RBFOX1: variants seen among roughly 807,000 people sequenced by gnomAD.
RBFOX1 encodes the protein RNA binding fox-1 homolog 1.
In RBFOX1, 8 loss-of-function variants were observed where a neutral mutation model predicts 57.7. That is an observed-to-expected ratio of 0.14 (90% CI 0.08 to 0.25). RBFOX1 has a LOEUF of 0.25. RBFOX1 is among the 10% of genes least tolerant of loss of function. The probability of loss-of-function intolerance (pLI) is 1.00; values close to 1 mark genes in which losing one functional copy is unlikely to be tolerated. For synonymous variants in RBFOX1, 326 were observed against 222.4 expected (o/e 1.47, Z -4.15); for missense variants, 611 against 548.5 (o/e 1.11, Z -1.14).
At chr16:5,675,652 C>T (rs1237634121) in intron 3 of RBFOX1, among the ~76,000 whole-genome samples, 3 of 152,188 alleles carry the variant, frequency 2.0e-5, no homozygotes, top group East Asian at 3.9e-4. Flanking sequence ...TCGTGCAGCC[C>T]GTGTGGCTGC....
chr16:7,084,223 G>C (rs911288101), intron 4 of RBFOX1, among the ~76,000 whole-genome samples: 3 of 151,960 alleles, frequency 2.0e-5, no homozygotes, highest in African/African-American at 4.8e-5. Flanking sequence ...ACACTGTGCT[G>C]GTCAAATGGA....
intron 2 of RBFOX1, among the ~76,000 whole-genome samples, chr16:5,536,389 C>G (rs1271290641): frequency 1.3e-5 from 2 of 151,974 alleles, no homozygotes; most frequent in Admixed American, 1.3e-4. Flanking sequence ...TGCCCGCCAC[C>G]ATGCCCGGCT....
intron 3 of RBFOX1, among the ~76,000 whole-genome samples, chr16:6,820,337 A>C (rs1013864302): frequency 1.3e-5 from 2 of 152,166 alleles, no homozygotes; most frequent in South Asian, 4.1e-4. Flanking sequence ...TAATCTTTTG[A>C]TTCCCTAATG....
intron 3 of RBFOX1, among the ~76,000 whole-genome samples, chr16:5,813,670 T>C (rs906574050): frequency 6.6e-6 from 1 of 152,214 alleles, no homozygotes; most frequent in Admixed American, 6.5e-5. Context: ...AGGTATGTGA[T>C]TTGCAAATAG....
intron 2 of RBFOX1, among the ~76,000 whole-genome samples, chr16:5,468,804 G>T (rs577589611): frequency 9.2e-5 from 14 of 152,324 alleles, no homozygotes; most frequent in African/African-American, 3.1e-4. Flanking sequence ...TCTCTGTGCT[G>T]ACATTGGCTG....
chr16:6,111,611 A>G (rs1312367511), intron 1 of RBFOX1, among the ~76,000 whole-genome samples: 1 of 152,210 alleles, frequency 6.6e-6, no homozygotes, highest in Non-Finnish European at 1.5e-5. Context: ...ATCAAAATAA[A>G]CTGGGTATTT....
intron 7 of RBFOX1, among the ~76,000 whole-genome samples, chr16:7,590,902 G>A (rs1361432956): frequency 1.4e-5 from 2 of 146,186 alleles, no homozygotes; most frequent in Middle Eastern, 3.3e-3. Flanking sequence ...TTTGATCTTT[G>A]ATTCAGTAGA....
intron 13 of RBFOX1, among the ~76,000 whole-genome samples, chr16:7,673,265 G>C (rs763426289): frequency 1.3e-5 from 2 of 152,138 alleles, no homozygotes; most frequent in Admixed American, 6.6e-5. Flanking sequence ...AGATGCCTTG[G>C]AGGTCCCTCA....
intron 1 of RBFOX1, among the ~76,000 whole-genome samples, chr16:5,433,762 G>A (rs1107096): frequency 0.57 from 87,124 of 151,794 alleles, 25,204 homozygotes; most frequent in East Asian, 0.67. Flanking sequence ...ATTCCGTAGC[G>A]TAAGGTGTCA....
chr16:7,086,725 C>CACACACACACACACAG (rs1276070680), intron 4 of RBFOX1, among the ~76,000 whole-genome samples: 5 of 151,996 alleles, frequency 3.3e-5, no homozygotes, highest in Admixed American at 6.6e-5. Flanking sequence ...AATGTATACA[C>CACACACACACACACAG]ACACACACAC....
intron 3 of RBFOX1, among the ~76,000 whole-genome samples, chr16:6,765,436 A>G (rs1444583729): frequency 6.6e-6 from 1 of 152,186 alleles, no homozygotes; most frequent in African/African-American, 2.4e-5. Context: ...TATTAGACTG[A>G]ATACCTGGGC....
At chr16:5,484,083 A>G (rs996195102) in intron 2 of RBFOX1, among the ~76,000 whole-genome samples, 3 of 152,196 alleles carry the variant, frequency 2.0e-5, no homozygotes, top group Non-Finnish European at 4.4e-5. Context: ...AGGTTGGAGG[A>G]TTGCTTGCAC....
intron 12 of RBFOX1, 159 bp from the exon 13 acceptor site, chr16:7,664,770 G>T: frequency 7.6e-7 from 1 of 1,320,584 alleles, no homozygotes; most frequent in Non-Finnish European, 1.0e-6. Context: ...TTGCTCAACT[G>T]CCGTTGTCTC....
In RBFOX1 at chr16:7,361,232, A is replaced by G. The variant is rs62014058; in HGVS notation, c.28-156915A>G. On this transcript the variant is annotated intron_variant, in intron 4 of 15. Transcript: ENST00000550418. ...GTTTTATGCAGGTTCTGGGCTCTGA[A>G]GGCCTGTTTGTGTCATTGCACACTT... Among the ~76,000 whole-genome samples the G allele has an allele frequency of 2.6e-3, 395 of 152,162 alleles. 2 individuals carry two copies. Among genetic ancestry groups the G allele is most frequent in the Non-Finnish European group, 4.1e-3 (281 of 67,992 alleles).
At chr16:7,375,072 G>T (rs905276054) in intron 4 of RBFOX1, among the ~76,000 whole-genome samples, 3 of 152,196 alleles carry the variant, frequency 2.0e-5, no homozygotes, top group African/African-American at 7.2e-5. Context: ...GGAGGAGAAA[G>T]AACATTTTTT....
intron 14 of RBFOX1, among the ~76,000 whole-genome samples, chr16:7,700,446 G>A (rs779850127): frequency 1.3e-5 from 2 of 152,146 alleles, no homozygotes; most frequent in Non-Finnish European, 2.9e-5. Context: ...TTCTGACTGA[G>A]GGATCCCCAG....
rs1424121 is a variant in RBFOX1, at chr16:6,096,729, C to A, written c.-127+76737C>A. On this transcript the variant is annotated intron_variant, in intron 1 of 15. Transcript: ENST00000550418. ...TATCTGGTTACCATCATTGTCACTA[C>A]GAAATAAAGGATTAGAGCTATAAAA... Among the ~76,000 whole-genome samples the A allele has an allele frequency of 1.3e-3, 195 of 152,192 alleles. 1 individual carries two copies. Among genetic ancestry groups the A allele is most frequent in the East Asian group, 9.8e-3 (51 of 5,180 alleles).
At chr16:6,885,967 G>A (rs1451146731) in intron 3 of RBFOX1, among the ~76,000 whole-genome samples, 1 of 152,020 alleles carries the variant, frequency 6.6e-6, no homozygotes, top group East Asian at 1.9e-4. Flanking sequence ...TTGCTGTCAA[G>A]AATCACAAAC....
intron 2 of RBFOX1, among the ~76,000 whole-genome samples, chr16:6,463,754 A>G (rs1245182605): frequency 2.6e-5 from 4 of 152,188 alleles, no homozygotes; most frequent in Non-Finnish European, 5.9e-5. Flanking sequence ...AACCGCCCCA[A>G]GTTTCATCTT....
Sources: allele counts gnomAD v4.1 joint callset (sites outside exome capture counted in the v4.1 genomes callset), GRCh38; gene constraint gnomAD v4.1.1; transcripts MANE v1.5; gene names NCBI Gene and HGNC (gene_info 2026-07-23, HGNC 2026-07-21).